ADAMTS3: variants seen among roughly 807,000 people sequenced by gnomAD.
ADAMTS3 encodes the protein ADAM metallopeptidase with thrombospondin type 1 motif 3.
ADAMTS3 carries 73 observed loss-of-function variants against 129.0 expected under a neutral mutation model. The observed-to-expected ratio is 0.57, with a 90% confidence interval of 0.47 to 0.69. ADAMTS3 has a LOEUF of 0.69. Among genes scored for constraint, ADAMTS3 ranks in the 30% least tolerant of loss-of-function variants. ADAMTS3 has a pLI of 0.00. For synonymous variants in ADAMTS3, 477 were observed against 510.8 expected (o/e 0.93, Z 0.89); for missense variants, 1,457 against 1,514.5 (o/e 0.96, Z 0.63).
chr4:72,526,212 T>C (rs1720802246), intron 3 of ADAMTS3, among the ~76,000 whole-genome samples: 1 of 152,090 alleles, frequency 6.6e-6, no homozygotes, highest in African/African-American at 2.4e-5. Flanking sequence ...TTGAGAAAAG[T>C]TGGCAGAGAG....
rs370921989 is a variant in ADAMTS3, at chr4:72,465,647, C to G, written c.505-50676G>C. 7.2e-5 allele frequency among the ~76,000 whole-genome samples: 11 copies of G among 152,052 alleles called. No individual in the cohort carries two copies. The East Asian group carries it at 1.8e-3, about 24-fold the overall frequency. The stretch of plus-strand genomic sequence containing the variant: ...ACCTTCATGAAGTTTGGGTGCAGGA[C>G]AGGGGTTTTAGGGGCAATAAATACA... On this transcript the variant is annotated intron_variant, in intron 3 of 21. Coordinates refer to ENST00000286657, the MANE Select transcript of ADAMTS3 (RefSeq NM_014243.3).
At chr4:72,479,223 C>T (rs1291089109) in intron 3 of ADAMTS3, among the ~76,000 whole-genome samples, 2 of 152,146 alleles carry the variant, frequency 1.3e-5, no homozygotes, top group African/African-American at 2.4e-5. Flanking sequence ...CAAAAAAGAG[C>T]CCGCATTGCC....
chr4:72,400,151 GTATA>G (rs771997885), intron 4 of ADAMTS3, among the ~76,000 whole-genome samples: 3 of 139,506 alleles, frequency 2.2e-5, no homozygotes, highest in African/African-American at 5.3e-5. Flanking sequence ...CACATGGTGT[GTATA>G]TATATGTGTG....
At chr4:72,400,159 ATG>A (rs1472820787) in intron 4 of ADAMTS3, among the ~76,000 whole-genome samples, 1 of 141,830 alleles carries the variant, frequency 7.1e-6, no homozygotes. Flanking sequence ...GTGTATATAT[ATG>A]TGTGTATATA....
intron 2 of ADAMTS3, among the ~76,000 whole-genome samples, chr4:72,554,594 T>C (rs1721718832): frequency 6.7e-6 from 1 of 148,956 alleles, no homozygotes; most frequent in Non-Finnish European, 1.5e-5. Flanking sequence ...TAGAGAGCTA[T>C]TTTATACATG....
chr4:72,336,232 A>C (rs541466832), intron 5 of ADAMTS3, among the ~76,000 whole-genome samples: 11 of 152,268 alleles, frequency 7.2e-5, no homozygotes, highest in African/African-American at 2.4e-4. Flanking sequence ...TCAATGCAAA[A>C]AGATAGAATT....
chr4:72,319,811 A>G (rs1392830686), intron 8 of ADAMTS3, 47 bp downstream of exon 8: 4 of 1,440,938 alleles, frequency 2.8e-6, no homozygotes, highest in South Asian at 1.2e-5. Flanking sequence ...GAGAAGCAGG[A>G]AAGAAAAGAT....
intron 17 of ADAMTS3, among the ~76,000 whole-genome samples, chr4:72,303,170 C>G (rs1718995663): frequency 6.6e-6 from 1 of 152,138 alleles, no homozygotes; most frequent in South Asian, 2.1e-4. Flanking sequence ...CTGAATGACA[C>G]CACCTAGGCA....
chr4:72,537,598 A>G (rs1721213773), intron 3 of ADAMTS3, among the ~76,000 whole-genome samples: 1 of 151,998 alleles, frequency 6.6e-6, no homozygotes, highest in African/African-American at 2.4e-5. Flanking sequence ...AGCCTACAAC[A>G]ACTACAAACA....
intron 4 of ADAMTS3, among the ~76,000 whole-genome samples, chr4:72,389,170 C>G (rs757416345): frequency 6.6e-6 from 1 of 152,148 alleles, no homozygotes; most frequent in Non-Finnish European, 1.5e-5. Context: ...ATATGCCAGC[C>G]AATGACCAAC....
At chr4:72,471,929 T>G (rs941231981) in intron 3 of ADAMTS3, among the ~76,000 whole-genome samples, 1 of 152,066 alleles carries the variant, frequency 6.6e-6, no homozygotes, top group Non-Finnish European at 1.5e-5. Flanking sequence ...TTGTCAGAAC[T>G]ACTACCTGAA....
chr4:72,442,418 T>C (rs928351190), intron 3 of ADAMTS3, among the ~76,000 whole-genome samples: 1 of 151,674 alleles, frequency 6.6e-6, no homozygotes, highest in Admixed American at 6.6e-5. Context: ...TGATGGAAGA[T>C]AAAGTGGATG....
At position 72,423,540 on chromosome 4, in the gene ADAMTS3, AT is replaced by A. The variant is rs983972671; in HGVS notation, c.505-8570del. 8.1e-4 allele frequency among the ~76,000 whole-genome samples: 123 copies of A among 151,464 alleles called. 2 individuals are homozygous for A. The highest frequency in any genetic ancestry group is 7.7e-4 in the African/African-American group (32 of 41,310). On this transcript the variant is annotated intron_variant, in intron 3 of 21. Coordinates refer to ENST00000286657, the MANE Select transcript of ADAMTS3 (RefSeq NM_014243.3). ...TTCCATTTACAATGAGAATGGACAGATTTTTTTTTCTTTTTTTTCTTTTATT... is the reference window on the plus strand; with the variant it reads ...TTCCATTTACAATGAGAATGGACAGATTTTTTTTCTTTTTTTTCTTTTATT...
chr4:72,525,353 A>G (rs2109748706), intron 3 of ADAMTS3, among the ~76,000 whole-genome samples: 1 of 152,346 alleles, frequency 6.6e-6, no homozygotes, highest in East Asian at 1.9e-4. Flanking sequence ...ACCAATTATT[A>G]GAGGGACATT....
intron 3 of ADAMTS3, among the ~76,000 whole-genome samples, chr4:72,517,488 C>A (rs1286498489): frequency 6.6e-6 from 1 of 152,146 alleles, no homozygotes; most frequent in Non-Finnish European, 1.5e-5. Context: ...GGTTAGTAAG[C>A]TATTGATTAT....
chr4:72,363,328 T>C (rs1316773203), intron 4 of ADAMTS3, among the ~76,000 whole-genome samples: 2 of 152,032 alleles, frequency 1.3e-5, no homozygotes, highest in Non-Finnish European at 2.9e-5. Context: ...GTTTGAAATA[T>C]AAAGGGTATA....
Position 72,443,876 on chromosome 4 carries a change from C to T in ADAMTS3, c.505-28905G>A, listed in dbSNP as rs376351884. On this transcript the variant is annotated intron_variant, in intron 3 of 21. Coordinates refer to ENST00000286657, the MANE Select transcript of ADAMTS3 (RefSeq NM_014243.3). ...GTGTTCTATGGGTCACTAGTTCCAA[C>T]CCATTCAAGACTAATGGGTTGGGTT... 7.2e-5 allele frequency among the ~76,000 whole-genome samples: 11 copies of T among 151,776 alleles called. No homozygotes were observed. In the South Asian group the frequency reaches 2.1e-3, roughly 29 times the overall value.
intron 3 of ADAMTS3, among the ~76,000 whole-genome samples, chr4:72,432,926 A>C (rs1722733393): frequency 1.3e-5 from 2 of 151,944 alleles, no homozygotes; most frequent in South Asian, 4.1e-4. Flanking sequence ...TAAAATTAAC[A>C]CTCAGAAACT....
intron 17 of ADAMTS3, among the ~76,000 whole-genome samples, chr4:72,301,100 A>C (rs1718939001): frequency 1.3e-5 from 2 of 152,208 alleles, no homozygotes; most frequent in Non-Finnish European, 1.5e-5. Context: ...ATCCATATGC[A>C]AAAATAAGGA....
Sources: gnomAD v4.1 joint callset for allele counts (sites outside exome capture counted in the v4.1 genomes callset) on GRCh38, gnomAD v4.1.1 for gene constraint, MANE v1.5 for transcripts, NCBI Gene and HGNC (gene_info 2026-07-23, HGNC 2026-07-21) for gene names.